Variants in STX18 observed in about 807,000 individuals in gnomAD.
STX18 encodes the protein syntaxin 18.
In STX18, 40 loss-of-function variants were observed where a neutral mutation model predicts 50.1. The ratio of observed to expected loss-of-function variants is 0.80; its 90% CI spans 0.62 to 1.04. STX18 has a LOEUF of 1.04. Among genes scored for constraint, STX18 ranks in the 50% least tolerant of loss-of-function variants. The pLI is 0.00. For missense variants in STX18, 410 were observed against 415.8 expected, an observed-to-expected ratio of 0.99 and a Z score of 0.12; for synonymous variants, 158 against 151.8, an observed-to-expected ratio of 1.04 and a Z score of -0.30.
chr4:4,448,351 T>G (rs999241492), intron 5 of STX18, among the ~76,000 whole-genome samples: 1 of 75,594 alleles, frequency 1.3e-5, no homozygotes, highest in African/African-American at 9.9e-5. Context: ...TATTTTATGC[T>G]TTTTTTTTTT....
At chr4:4,537,262 A>G (rs1731387657) in intron 1 of STX18, among the ~76,000 whole-genome samples, 1 of 152,228 alleles carries the variant, frequency 6.6e-6, no homozygotes, top group Admixed American at 6.5e-5. Context: ...ACAGAGTTGA[A>G]GACAGCCAGG....
chr4:4,521,479 C>G (rs543417250), intron 1 of STX18, among the ~76,000 whole-genome samples: 1 of 151,740 alleles, frequency 6.6e-6, no homozygotes, highest in South Asian at 2.1e-4. Context: ...TCAGAAGAGC[C>G]CAGTTAAGCT....
intron 1 of STX18, among the ~76,000 whole-genome samples, chr4:4,473,521 C>T (rs1478499742): frequency 2.0e-5 from 3 of 152,046 alleles, no homozygotes; most frequent in Admixed American, 1.3e-4. Flanking sequence ...TCCCGATCTC[C>T]GGACCTCGCG....
chr4:4,423,270 A>AT (rs1725060653), intron 9 of STX18, among the ~76,000 whole-genome samples: 1 of 152,220 alleles, frequency 6.6e-6, no homozygotes, highest in Admixed American at 6.5e-5. Context: ...GTGCCACCGC[A>AT]TGTGCTACCA....
Position 4,419,562 on chromosome 4 carries a change from T to TCAGACAGACAAGAAGCCACAAGGAAA in STX18, c.*446_*471dup, listed in dbSNP as rs1486949137. The stretch of plus-strand genomic sequence containing the variant: ...CCAGTAAGTCTGTGTATTCGTTGAC[T>TCAGACAGACAAGAAGCCACAAGGAAA]CAGACAGACAAGAAGCCACAAGGAA... On this transcript the variant is annotated 3_prime_UTR_variant, in exon 11 of 11. Coordinates refer to ENST00000306200, the MANE Select transcript of STX18 (RefSeq NM_016930.4). The TCAGACAGACAAGAAGCCACAAGGAAA allele has an allele frequency of 6.5e-6, 1 of 154,298 alleles. No homozygotes were observed. Among genetic ancestry groups the TCAGACAGACAAGAAGCCACAAGGAAA allele is most frequent in the Non-Finnish European group, 1.4e-5 (1 of 69,400 alleles). The allele number at this position is 154,298 out of a possible 1,614,324, so 9.6% of individuals were successfully genotyped here. A position where few individuals can be genotyped will look rare whatever the true frequency, so the allele number is the denominator to read the frequency against.
At chr4:4,476,306 AAAAGG>A in intron 1 of STX18, among the ~76,000 whole-genome samples, 1 of 152,360 alleles carries the variant, frequency 6.6e-6, no homozygotes, top group African/African-American at 2.4e-5. Flanking sequence ...AGATAAAAGA[AAAAGG>A]AAAGGAATGT....
At chr4:4,439,538 A>G (rs1725993056) in intron 5 of STX18, among the ~76,000 whole-genome samples, 1 of 144,656 alleles carries the variant, frequency 6.9e-6, no homozygotes, top group Non-Finnish European at 1.5e-5. Context: ...TCCCACATAC[A>G]CACACAGAAA....
chr4:4,449,850 C>T (rs1003998298), intron 5 of STX18, among the ~76,000 whole-genome samples: 4 of 152,222 alleles, frequency 2.6e-5, no homozygotes, highest in Non-Finnish European at 5.9e-5. Context: ...TAATGTGCTA[C>T]TGCCATTTAT....
chr4:4,507,562 C>G, intron 1 of STX18: 2 of 765,514 alleles, frequency 2.6e-6, no homozygotes, highest in African/African-American at 1.7e-5. Flanking sequence ...CAGGAGTGCA[C>G]TCTGACAGCT....
In STX18 at chr4:4,425,463, C is replaced by A. The variant is rs1202878371; in HGVS notation, c.703-241G>T. 32 of 592,940 alleles carry A rather than the reference C, an allele frequency of 5.4e-5. 1 individual carries two copies. In the South Asian group the frequency reaches 6.5e-4, roughly 12 times the overall value. 36.7% of individuals were successfully genotyped at this position (592,940 alleles called of 1,614,324 possible). Reference sequence around the variant, plus strand: ...TGACTTCTCCATCTCAACCACTGCACTCCAGGGGTACAAGCTGACTGCTAT... The same window carrying A: ...TGACTTCTCCATCTCAACCACTGCAATCCAGGGGTACAAGCTGACTGCTAT... On this transcript the variant is annotated intron_variant, in intron 7 of 10. Transcript: ENST00000306200.
intron 1 of STX18, among the ~76,000 whole-genome samples, chr4:4,509,307 G>C (rs1341839652): frequency 6.6e-6 from 1 of 152,078 alleles, no homozygotes; most frequent in African/African-American, 2.4e-5. Context: ...TTTCTCTAAT[G>C]ATCAGTGATG....
rs143613453 is a variant in STX18, at chr4:4,435,480, T to C, written c.614-622A>G. On this transcript the variant is annotated intron_variant, in intron 6 of 10. Coordinates refer to ENST00000306200, the MANE Select transcript of STX18 (RefSeq NM_016930.4). ...TATGGCGGCTTGCTTTTCACACAGA[T>C]ATCAATAGTAACATGCTGTTCTAAA... is the stretch of plus-strand genomic sequence containing the variant. Among the ~76,000 whole-genome samples, 49 of 152,340 alleles carry C rather than the reference T, an allele frequency of 3.2e-4. 1 individual carries two copies. Among genetic ancestry groups the C allele is most frequent in the African/African-American group, 1.2e-3 (48 of 41,584 alleles).
chr4:4,539,374 CCAAACTTTTGA>C (rs1177888459), intron 1 of STX18, among the ~76,000 whole-genome samples: 1 of 152,210 alleles, frequency 6.6e-6, no homozygotes. Context: ...AAAATAACAG[CCAAACTTTTGA>C]CATCTAATTG....
At chr4:4,517,167 G>A (rs945020178) in intron 1 of STX18, among the ~76,000 whole-genome samples, 15 of 152,120 alleles carry the variant, frequency 9.9e-5, no homozygotes, top group African/African-American at 2.9e-4. Context: ...CTGAACCAGC[G>A]GTATTGGGGC....
chr4:4,462,081 G>C, intron 2 of STX18: 1 of 436,492 alleles, frequency 2.3e-6, no homozygotes, highest in Non-Finnish European at 4.6e-6. Context: ...AGCTTTGTTT[G>C]CTGACCTAGA....
intron 1 of STX18, among the ~76,000 whole-genome samples, chr4:4,519,215 AACAC>A (rs1730411228): frequency 6.6e-6 from 1 of 152,220 alleles, no homozygotes; most frequent in Non-Finnish European, 1.5e-5. Context: ...CAATATGCTT[AACAC>A]ACAAGCATTT....
chr4:4,519,109 G>A (rs1042922072), intron 1 of STX18, among the ~76,000 whole-genome samples: 1 of 151,986 alleles, frequency 6.6e-6, no homozygotes, highest in Non-Finnish European at 1.5e-5. Context: ...GCAAAATCAC[G>A]GTGTGACCAC....
chr4:4,437,562 G>C (rs953939716), intron 6 of STX18: 1 of 970,186 alleles, frequency 1.0e-6, no homozygotes, highest in Non-Finnish European at 1.2e-6. Flanking sequence ...AAGCATTTCA[G>C]ATAAGAGATA....
At chr4:4,462,526 G>C (rs1313740433) in intron 2 of STX18, among the ~76,000 whole-genome samples, 3 of 152,142 alleles carry the variant, frequency 2.0e-5, no homozygotes, top group Non-Finnish European at 4.4e-5. Context: ...GCATGAGTTG[G>C]CAATGAACAA....
Sources: gnomAD v4.1 joint callset for allele counts (sites outside exome capture counted in the v4.1 genomes callset) on GRCh38, gnomAD v4.1.1 for gene constraint, MANE v1.5 for transcripts, NCBI Gene and HGNC (gene_info 2026-07-23, HGNC 2026-07-21) for gene names.